PDE4B: variants seen among roughly 807,000 people sequenced by gnomAD.
PDE4B encodes phosphodiesterase 4B, also known as 3',5'-cyclic-AMP phosphodiesterase 4B.
Under a neutral mutation model 82.2 loss-of-function variants are expected in PDE4B, and 20 were observed. The observed-to-expected ratio is 0.24, with a 90% CI of 0.17 to 0.35. PDE4B has a LOEUF of 0.35. Ranked by LOEUF, PDE4B falls within the 10% of genes least tolerant of loss-of-function variation. The pLI, the probability that PDE4B is intolerant of heterozygous loss-of-function variation, is 1.00. For synonymous variants in PDE4B, 320 were observed against 318.9 expected, an observed-to-expected ratio of 1.00 and a Z score of -0.04; for missense variants, 655 against 907.2, an observed-to-expected ratio of 0.72 and a Z score of 3.57.
rs577735690 is a variant in PDE4B at position 66,002,478 on chromosome 1, G to A, written c.281+83643G>A. Among the ~76,000 whole-genome samples, 11 of 151,836 alleles carry A rather than the reference G, an allele frequency of 7.2e-5. No individual in the cohort carries two copies. In the East Asian group the frequency reaches 1.7e-3, roughly 24 times the overall value. ...GATTTTTCTTGCTGATAAATTATTG[G>A]TTTTCATTTCTTAAAATGGTTTCTA... On this transcript the variant is annotated intron_variant, in intron 3 of 16. Transcript: ENST00000341517.
intron 3 of PDE4B, among the ~76,000 whole-genome samples, chr1:66,202,476 G>A (rs1402541335): frequency 6.6e-6 from 1 of 152,110 alleles, no homozygotes; most frequent in Non-Finnish European, 1.5e-5. Context: ...TATTTTGTGG[G>A]AGTCTAAGTC....
intron 3 of PDE4B, among the ~76,000 whole-genome samples, chr1:66,136,293 G>A (rs1197704961): frequency 5.3e-5 from 8 of 152,182 alleles, no homozygotes; most frequent in Non-Finnish European, 1.0e-4. Context: ...CAAAACCAAA[G>A]TAGAATGAAC....
Position 66,336,522 on chromosome 1 carries a change from C to T in PDE4B, c.747+3902C>T, listed in dbSNP as rs989394373. Among the ~76,000 whole-genome samples the T allele has an allele frequency of 8.5e-5, 13 of 152,330 alleles. 3 individuals are homozygous for T. Among genetic ancestry groups the T allele is most frequent in the Middle Eastern group, 3.4e-3 (1 of 294 alleles). ...TCACTGTCTTCACTTCCCCCACAAACGCCCTCCACTGTCCTTTTCATTCTC... is the reference window on the plus strand; with the variant it reads ...TCACTGTCTTCACTTCCCCCACAAATGCCCTCCACTGTCCTTTTCATTCTC... On this transcript the variant is annotated intron_variant, in intron 8 of 16. Coordinates refer to ENST00000341517, the MANE Select transcript of PDE4B (RefSeq NM_002600.4).
intron 4 of PDE4B, among the ~76,000 whole-genome samples, chr1:66,255,653 C>T (rs547308985): frequency 6.6e-6 from 1 of 152,338 alleles, no homozygotes; most frequent in South Asian, 2.1e-4. Context: ...CTCTGAAACA[C>T]TGCTCACTCA....
intron 1 of PDE4B, among the ~76,000 whole-genome samples, chr1:65,823,096 A>G (rs1307801380): frequency 6.6e-6 from 1 of 151,986 alleles, no homozygotes; most frequent in East Asian, 1.9e-4. Context: ...GTTCATCTGC[A>G]TTTTAAAAAA....
chr1:66,333,529 A>G (rs1277138379), intron 8 of PDE4B, among the ~76,000 whole-genome samples: 1 of 152,204 alleles, frequency 6.6e-6, no homozygotes, highest in African/African-American at 2.4e-5. Flanking sequence ...TCATAGGTGC[A>G]CATTTCAGAG....
intron 3 of PDE4B, among the ~76,000 whole-genome samples, chr1:65,975,811 G>A (rs1650377272): frequency 6.6e-6 from 1 of 152,224 alleles, no homozygotes; most frequent in African/African-American, 2.4e-5. Flanking sequence ...GGGCTTGCAG[G>A]TGCACAGAAG....
intron 3 of PDE4B, among the ~76,000 whole-genome samples, chr1:65,974,870 C>A (rs12085651): frequency 5.3e-5 from 8 of 152,100 alleles, no homozygotes; most frequent in Non-Finnish European, 1.5e-5. Flanking sequence ...AATTATACCT[C>A]TTTTTTTCAT....
chr1:65,959,974 C>A (rs1467157685), intron 3 of PDE4B, among the ~76,000 whole-genome samples: 1 of 152,128 alleles, frequency 6.6e-6, no homozygotes, highest in Non-Finnish European at 1.5e-5. Context: ...GCCTCCTAAA[C>A]TGCAGGGATT....
intron 3 of PDE4B, among the ~76,000 whole-genome samples, chr1:66,134,095 T>G (rs1375794311): frequency 6.6e-6 from 1 of 151,644 alleles, no homozygotes; most frequent in Non-Finnish European, 1.5e-5. Flanking sequence ...GAATCTTTTC[T>G]AAGATGAGAT....
chr1:65,843,972 T>C (rs1482045650), intron 1 of PDE4B, among the ~76,000 whole-genome samples: 2 of 152,194 alleles, frequency 1.3e-5, no homozygotes, highest in African/African-American at 4.8e-5. Flanking sequence ...TATGAGTGGA[T>C]GGCTTAATTA....
intron 7 of PDE4B, among the ~76,000 whole-genome samples, chr1:66,272,269 A>G (rs1655548224): frequency 6.6e-6 from 1 of 152,194 alleles, no homozygotes; most frequent in South Asian, 2.1e-4. Flanking sequence ...GATTCGCCTC[A>G]CACATCTGGA....
rs199767235 is a variant in PDE4B at position 66,322,601 on chromosome 1, CA to C, written c.635-9906del. Among the ~76,000 whole-genome samples, 814 of 152,064 alleles carry C rather than the reference CA, an allele frequency of 5.4e-3. 5 individuals are homozygous for C. Among genetic ancestry groups the C allele is most frequent in the African/African-American group, 0.019 (778 of 41,476 alleles). The stretch of plus-strand genomic sequence containing the variant: ...GTCATCAGAGAATGCAAATCAAAAC[CA>C]CAATGAGATACCATCTCACGCCAGT... On this transcript the variant is annotated intron_variant, in intron 7 of 16. Transcript: ENST00000341517.
chr1:65,938,806 G>A (rs1450137235), intron 3 of PDE4B, among the ~76,000 whole-genome samples: 1 of 152,106 alleles, frequency 6.6e-6, no homozygotes, highest in Non-Finnish European at 1.5e-5. Context: ...AGTGTGGAGA[G>A]ATGCAATTTG....
chr1:66,062,115 A>T (rs1640091668), intron 3 of PDE4B, among the ~76,000 whole-genome samples: 1 of 152,128 alleles, frequency 6.6e-6, no homozygotes, highest in African/African-American at 2.4e-5. Flanking sequence ...TAGCCATCTT[A>T]GCATTTAAAC....
At chr1:65,797,656 G>A (rs1171693725) in intron 1 of PDE4B, among the ~76,000 whole-genome samples, 1 of 152,168 alleles carries the variant, frequency 6.6e-6, no homozygotes, top group Non-Finnish European at 1.5e-5. Context: ...GTCTCTAAGT[G>A]ACTTTCAGCC....
intron 1 of PDE4B, among the ~76,000 whole-genome samples, chr1:65,817,070 G>A (rs931048716): frequency 3.3e-5 from 5 of 152,136 alleles, no homozygotes; most frequent in African/African-American, 1.2e-4. Flanking sequence ...AATTAAAAGG[G>A]TGTCCTCATG....
At chr1:66,244,620 G>A (rs548864503) in intron 3 of PDE4B, among the ~76,000 whole-genome samples, 2 of 152,274 alleles carry the variant, frequency 1.3e-5, no homozygotes, top group Admixed American at 6.5e-5. Flanking sequence ...TGGGGCTGGT[G>A]TCTGGTTGGT....
At chr1:66,206,525 A>G (rs1649567557) in intron 3 of PDE4B, among the ~76,000 whole-genome samples, 1 of 152,204 alleles carries the variant, frequency 6.6e-6, no homozygotes, top group African/African-American at 2.4e-5. Context: ...AACATTCTGT[A>G]TTACTTCCTA....
Sources: gnomAD v4.1 joint callset for allele counts (sites outside exome capture counted in the v4.1 genomes callset) on GRCh38, gnomAD v4.1.1 for gene constraint, MANE v1.5 for transcripts, NCBI Gene and HGNC (gene_info 2026-07-23, HGNC 2026-07-21) for gene names.